PIEZO2: variants seen among roughly 807,000 people sequenced by gnomAD.
The protein encoded by PIEZO2 is piezo-type mechanosensitive ion channel component 2.
A neutral mutation model predicts 337.3 loss-of-function variants in PIEZO2; 172 were observed. The observed-to-expected ratio is 0.51, with a 90% CI of 0.45 to 0.58. The LOEUF is 0.58. Ranked by LOEUF, PIEZO2 falls within the 20% of genes least tolerant of loss-of-function variation. The pLI is 0.00. For missense variants in PIEZO2, 3,028 were observed against 3,391.3 expected (o/e 0.89, Z 2.66); for synonymous variants, 1,251 against 1,228.5 (o/e 1.02, Z -0.38).
chr18:11,055,259 G>T (rs1369295048), intron 2 of PIEZO2, among the ~76,000 whole-genome samples: 10 of 152,084 alleles, frequency 6.6e-5, no homozygotes, highest in Admixed American at 5.9e-4. Flanking sequence ...CAGGGGCAGG[G>T]TCGCCCCACA....
In PIEZO2 at chr18:10,801,697, A is replaced by G. The variant is rs17566974; in HGVS notation, c.1201-269T>C. 0.038 allele frequency among the ~76,000 whole-genome samples: 5,775 copies of G among 152,294 alleles called. 146 individuals carry two copies. Among genetic ancestry groups the G allele is most frequent in the Admixed American group, 0.06 (917 of 15,306 alleles). On this transcript the variant is annotated intron_variant, in intron 9 of 55. Coordinates refer to ENST00000674853, the MANE Select transcript of PIEZO2 (RefSeq NM_001378183.1). The stretch of plus-strand genomic sequence containing the variant: ...AATGTTACCATGTTTTTCAAGGGTT[A>G]TGTTCTACAAGAATAAGCGCTTAGT...
At position 10,899,069 on chromosome 18, in the gene PIEZO2, A is replaced by C. The variant is rs1360586251; in HGVS notation, c.329+12117T>G. ...GCAACGGGATTGCACTGGACACATA[A>C]GAAGACCCCAGTGGGGCCTGCAGAG... On this transcript the variant is annotated intron_variant, in intron 4 of 55. Transcript: ENST00000674853. The surrounding 1 kb of genome is among the most constrained non-coding windows in gnomAD (Gnocchi z 4.6). Among the ~76,000 whole-genome samples the C allele has an allele frequency of 6.6e-6, 1 of 152,212 alleles. No individual in the cohort carries two copies. The highest frequency in any genetic ancestry group is 2.4e-5 in the African/African-American group (1 of 41,452).
At chr18:10,995,674 T>C (rs2035294863) in intron 2 of PIEZO2, among the ~76,000 whole-genome samples, 1 of 152,202 alleles carries the variant, frequency 6.6e-6, no homozygotes, top group African/African-American at 2.4e-5. Context: ...TTAAAACCTG[T>C]GCAACTGTTA....
intron 2 of PIEZO2, among the ~76,000 whole-genome samples, chr18:10,985,862 A>C (rs762199900): frequency 3.3e-5 from 5 of 152,094 alleles, no homozygotes; most frequent in Admixed American, 6.5e-5. Context: ...ACAAAATGTC[A>C]ATAATAGGTC....
chr18:10,841,305 T>A (rs1251570081), intron 7 of PIEZO2, among the ~76,000 whole-genome samples: 1 of 152,104 alleles, frequency 6.6e-6, no homozygotes, highest in Non-Finnish European at 1.5e-5. Context: ...CAAGAGAGTT[T>A]TCAGCACTAA....
intron 48 of PIEZO2, among the ~76,000 whole-genome samples, chr18:10,690,725 A>C (rs952955024): frequency 1.3e-5 from 2 of 152,210 alleles, no homozygotes; most frequent in African/African-American, 4.8e-5. Flanking sequence ...GTCACATAGA[A>C]GAGCACATGT....
At chr18:10,874,734 T>C (rs1305968736) in intron 4 of PIEZO2, among the ~76,000 whole-genome samples, 2 of 152,160 alleles carry the variant, frequency 1.3e-5, no homozygotes, top group Admixed American at 1.3e-4. Flanking sequence ...GACAATGTTC[T>C]CATTCATATG....
In PIEZO2 at chr18:11,027,067, A is replaced by G. The variant is rs2036569687; in HGVS notation, c.160+39060T>C. ...AGCCAATTCATATGAAATGTCACAG[A>G]GCAGTCAATTCTAAACTGTGTAAGA... On this transcript the variant is annotated intron_variant, in intron 2 of 55. Coordinates refer to ENST00000674853, the MANE Select transcript of PIEZO2 (RefSeq NM_001378183.1). This position sits in a 1 kb window ranked among gnomAD's most constrained non-coding sequence, Gnocchi z 4.2. Among the ~76,000 whole-genome samples the G allele has an allele frequency of 6.6e-6, 1 of 152,234 alleles. No homozygotes were observed. The highest frequency in any genetic ancestry group is 2.1e-4 in the South Asian group (1 of 4,830).
At chr18:10,844,893 A>G (rs79611856) in intron 7 of PIEZO2, among the ~76,000 whole-genome samples, 3,505 of 152,198 alleles carry the variant, frequency 0.023, 144 homozygotes, top group African/African-American at 0.078. Flanking sequence ...TGACCAAATA[A>G]TGACGGCACT....
intron 7 of PIEZO2, among the ~76,000 whole-genome samples, chr18:10,810,684 G>A (rs1030698901): frequency 1.1e-4 from 16 of 152,092 alleles, no homozygotes; most frequent in African/African-American, 2.2e-4. Flanking sequence ...GCTATTCCTC[G>A]TTTTACCAGG....
chr18:11,137,823 G>A (rs1238273332), intron 1 of PIEZO2, among the ~76,000 whole-genome samples: 10 of 152,218 alleles, frequency 6.6e-5, no homozygotes, highest in Non-Finnish European at 1.0e-4. Flanking sequence ...TGCTGCCCTA[G>A]AGGGTTTGAC....
At chr18:10,678,835 C>T (rs866729363) in intron 52 of PIEZO2, among the ~76,000 whole-genome samples, 5 of 152,116 alleles carry the variant, frequency 3.3e-5, no homozygotes, top group Non-Finnish European at 7.4e-5. Flanking sequence ...GACAGTCAAG[C>T]TGCCCTCGCA....
In PIEZO2 at chr18:10,744,155, G is replaced by T; in HGVS notation, c.4501C>A (p.Gln1501Lys). 2 of 1,535,680 alleles carry T rather than the reference G, an allele frequency of 1.3e-6. No homozygotes were observed. The highest frequency in any genetic ancestry group is 1.7e-6 in the Non-Finnish European group (2 of 1,145,622). Residue 1501 changes from glutamine (Q) to lysine (K), a missense_variant, in exon 31 of 56, where the codon CAG becomes AAG. By Grantham distance (53) the Gln-to-Lys change is moderately conservative. This residue lies in a region of PIEZO2 where 1,925 missense variants were observed against 2,051.9 expected (regional missense o/e 0.94). Coordinates refer to ENST00000674853, the MANE Select transcript of PIEZO2 (RefSeq NM_001378183.1). ...TAGCATCCTTACTGTCGCTTCAGCTGGTCCATGGACTTCTTCTCTTCCTCA... is the reference window on the plus strand; with the variant it reads ...TAGCATCCTTACTGTCGCTTCAGCTTGTCCATGGACTTCTTCTCTTCCTCA... ...RIEEEKKSMD[Q>K]LKRQMDRIKA...
chr18:10,697,102 C>G (rs2035127055), intron 45 of PIEZO2, among the ~76,000 whole-genome samples: 1 of 152,212 alleles, frequency 6.6e-6, no homozygotes, highest in African/African-American at 2.4e-5. Flanking sequence ...GGCCTTTTAT[C>G]TATGCTTTGC....
Position 10,905,581 on chromosome 18 carries a change from CAAA to C in PIEZO2, c.329+5602_329+5604del, listed in dbSNP as rs11318022. On this transcript the variant is annotated intron_variant, in intron 4 of 55. Transcript: ENST00000674853. ...CTGGGCAACAAGAGCGAAACTGTTT[CAAA>C]AAAAAAAAAAAAAAACTTGCAAGGT... 2.5e-3 allele frequency among the ~76,000 whole-genome samples: 320 copies of C among 127,926 alleles called. 1 individual carries two copies. The highest frequency in any genetic ancestry group is 7.5e-3 in the African/African-American group (256 of 34,242). 83.9% of individuals were successfully genotyped at this position (127,926 alleles called of 152,430 possible). A position where few individuals can be genotyped will look rare whatever the true frequency, so the allele number is the denominator to read the frequency against.
rs1320151471 is a variant in PIEZO2 at position 10,857,010 on chromosome 18, C to T, written c.694G>A (p.Gly232Ser). Residue 232 changes from glycine (G) to serine (S), a missense_variant, in exon 6 of 56, where the codon GGC becomes AGC. By Grantham distance (56) the Gly-to-Ser change is moderately conservative. Around this residue, in one of 5 missense-constraint regions of PIEZO2, gnomAD observed 542 missense variants for 605.6 expected, o/e 0.89. Transcript: ENST00000674853. ...TGTGGGAGACACTCACCCGAGGAGC[C>T]CAGTAAGATGGTAACAACGACTTTC... ...AGKVVVTILL[G>S]SSGMMLPSLT... 3 of 1,537,252 alleles carry T rather than the reference C, an allele frequency of 2.0e-6. No homozygotes were observed. The highest frequency in any genetic ancestry group is 2.6e-6 in the Non-Finnish European group (3 of 1,146,910).
chr18:10,738,657 T>C (rs1391253544), intron 33 of PIEZO2: 1 of 152,216 alleles, frequency 6.6e-6, no homozygotes, highest in South Asian at 2.1e-4. Context: ...TCCACATACA[T>C]ATCATGGATG....
At position 10,855,236 on chromosome 18, in the gene PIEZO2, T is replaced by G. The variant is rs552894101; in HGVS notation, c.917+117A>C. ...CACCCACCCCCACAAAATCTTTGCT[T>G]AACACAGCAATTGCCTGCCATCAAG... On this transcript the variant is annotated intron_variant, in intron 7 of 55. Transcript: ENST00000674853. The surrounding 1 kb of genome is among the most constrained non-coding windows in gnomAD (Gnocchi z 4.9). 1 of 904,002 alleles carries G rather than the reference T, an allele frequency of 1.1e-6. No homozygotes were observed. Among genetic ancestry groups the G allele is most frequent in the East Asian group, 2.6e-5 (1 of 37,776 alleles). The allele number at this position is 904,002 out of a possible 1,614,324, so 56.0% of individuals were successfully genotyped here.
rs775014605 is a variant in PIEZO2 at position 10,877,187 on chromosome 18, ACCCT to A, written c.330-5776_330-5773del. Among the ~76,000 whole-genome samples, 2 of 152,182 alleles carry A rather than the reference ACCCT, an allele frequency of 1.3e-5. No homozygotes were observed. The highest frequency in any genetic ancestry group is 6.5e-5 in the Admixed American group (1 of 15,270). On this transcript the variant is annotated intron_variant, in intron 4 of 55. Coordinates refer to ENST00000674853, the MANE Select transcript of PIEZO2 (RefSeq NM_001378183.1). The surrounding 1 kb of genome is among the most constrained non-coding windows in gnomAD (Gnocchi z 5.3). ...ATTTTTCTTCTCACTCTACAAGATCACCCTGGATGATATCCATCCCCAAGGCCCT... is the reference window on the plus strand; with the variant it reads ...ATTTTTCTTCTCACTCTACAAGATCAGGATGATATCCATCCCCAAGGCCCT...
Sources: allele counts gnomAD v4.1 joint callset (sites outside exome capture counted in the v4.1 genomes callset), GRCh38; gene constraint gnomAD v4.1.1; regional missense constraint gnomAD v4.1.1; non-coding constraint Gnocchi (gnomAD v3.1); transcripts MANE v1.5; gene names NCBI Gene and HGNC (gene_info 2026-07-23, HGNC 2026-07-21).